The following GALNT2 variants were observed in gnomAD, a reference collection of about 807,000 sequenced individuals.
GALNT2 encodes the protein UDP-GalNAc:polypeptide N-acetylgalactosaminyltransferase 2.
In GALNT2, 31 loss-of-function variants were observed where a neutral mutation model predicts 81.4. The observed-to-expected ratio is 0.38, with a 90% CI of 0.29 to 0.51. The LOEUF is 0.51. GALNT2 is among the 20% of genes least tolerant of loss of function. The pLI, the probability that GALNT2 is intolerant of heterozygous loss-of-function variation, is 0.87. For missense variants in GALNT2, 629 were observed against 765.7 expected (o/e 0.82, Z 2.11); for synonymous variants, 303 against 287.4 (o/e 1.05, Z -0.55).
intron 1 of GALNT2, among the ~76,000 whole-genome samples, chr1:230,122,047 T>C (rs1430767551): frequency 1.4e-5 from 2 of 147,508 alleles, no homozygotes; most frequent in East Asian, 4.2e-4. Flanking sequence ...GCCTCCCGAC[T>C]AGCTGGGACT....
upstream of GALNT2, among the ~76,000 whole-genome samples, chr1:230,063,903 T>A: frequency 6.6e-6 from 1 of 152,216 alleles, no homozygotes; most frequent in South Asian, 2.1e-4. Context: ...ACTTATAAAT[T>A]GTTATATCTG....
chr1:230,122,971 G>C (rs1661066377), intron 1 of GALNT2, among the ~76,000 whole-genome samples: 1 of 152,122 alleles, frequency 6.6e-6, no homozygotes, highest in African/African-American at 2.4e-5. Flanking sequence ...ACATTGAGTT[G>C]GGGATGTGCA....
At chr1:230,111,774 T>A (rs928967993) in intron 1 of GALNT2, among the ~76,000 whole-genome samples, 3 of 152,194 alleles carry the variant, frequency 2.0e-5, no homozygotes, top group Non-Finnish European at 4.4e-5. Flanking sequence ...TGGAAGACTG[T>A]GTCACTGATG....
At chr1:230,156,122 A>G (rs1019760899) in intron 1 of GALNT2, among the ~76,000 whole-genome samples, 1 of 151,976 alleles carries the variant, frequency 6.6e-6, no homozygotes, top group Non-Finnish European at 1.5e-5. Context: ...CAAGTGGAAT[A>G]CCACGTAGAC....
intron 1 of GALNT2, among the ~76,000 whole-genome samples, chr1:230,132,975 G>A (rs1028436879): frequency 3.3e-5 from 5 of 152,172 alleles, no homozygotes; most frequent in East Asian, 1.9e-4. Flanking sequence ...AATTCATGCC[G>A]CGTAAGCATC....
In GALNT2 at chr1:230,127,283, C is replaced by T. The variant is rs375787996; in HGVS notation, c.127-50935C>T. On this transcript the variant is annotated intron_variant, in intron 1 of 15. Transcript: ENST00000366672. ...AAGACTCTCTTAATGCTGTGAGCCC[C>T]GCCTGAGCTGGTGCTGTGTGATAAA... 2.0e-4 allele frequency among the ~76,000 whole-genome samples: 31 copies of T among 152,026 alleles called. No individual in the cohort carries two copies. In the South Asian group the frequency reaches 6.3e-3, roughly 31 times the overall value.
intron 3 of GALNT2, among the ~76,000 whole-genome samples, chr1:230,227,577 A>ATATATC (rs1558149660): frequency 1.7e-4 from 25 of 150,992 alleles, no homozygotes; most frequent in African/African-American, 6.1e-4. Context: ...ATATATATAT[A>ATATATC]CAAGAAGAGT....
At chr1:230,244,017 A>G (rs1665288946) in intron 7 of GALNT2, among the ~76,000 whole-genome samples, 1 of 151,446 alleles carries the variant, frequency 6.6e-6, no homozygotes, top group Non-Finnish European at 1.5e-5. Flanking sequence ...CTAATATTAC[A>G]TTTGGCCTTT....
rs914942612 is a variant in GALNT2 at position 230,275,716 on chromosome 1, A to G, written c.1560+1152A>G. Among the ~76,000 whole-genome samples the G allele has an allele frequency of 2.7e-5, 4 of 148,106 alleles. No individual in the cohort carries two copies. The highest frequency in any genetic ancestry group is 2.5e-5 in the African/African-American group (1 of 39,622). ...CACCACATATATATACACACCACAT[A>G]TACACACCACATATATATATACAAA... On this transcript the variant is annotated intron_variant, in intron 15 of 15. Transcript: ENST00000366672. This position sits in a 1 kb window ranked among gnomAD's most constrained non-coding sequence, Gnocchi z 5.5.
intron 1 of GALNT2, among the ~76,000 whole-genome samples, chr1:230,100,630 T>C (rs1660375983): frequency 1.3e-5 from 2 of 152,232 alleles, no homozygotes; most frequent in Non-Finnish European, 2.9e-5. Flanking sequence ...CCGGCGTTTT[T>C]ATTCTTAAAA....
chr1:230,241,148 T>C (rs1665187678), intron 6 of GALNT2, among the ~76,000 whole-genome samples: 1 of 152,230 alleles, frequency 6.6e-6, no homozygotes, highest in Admixed American at 6.5e-5. Context: ...TTATAATAGC[T>C]GCTTTTAAAT....
At chr1:230,132,171 G>A (rs974521878) in intron 1 of GALNT2, among the ~76,000 whole-genome samples, 7 of 152,076 alleles carry the variant, frequency 4.6e-5, no homozygotes, top group African/African-American at 1.7e-4. Context: ...AATCAGTCTC[G>A]TAATGACGGT....
At chr1:230,190,320 T>C (rs1408349625) in intron 2 of GALNT2, among the ~76,000 whole-genome samples, 2 of 152,218 alleles carry the variant, frequency 1.3e-5, no homozygotes, top group African/African-American at 2.4e-5. Context: ...GCTGCCCCCA[T>C]AGCTGAGACG....
At chr1:230,179,312 A>G (rs1663086123) in intron 2 of GALNT2, among the ~76,000 whole-genome samples, 1 of 152,140 alleles carries the variant, frequency 6.6e-6, no homozygotes, top group Admixed American at 6.5e-5. Context: ...ATTTGGGTAA[A>G]TACCAAAGGG....
intron 11 of GALNT2, among the ~76,000 whole-genome samples, chr1:230,256,427 C>T (rs1325111445): frequency 7.1e-6 from 1 of 141,482 alleles, no homozygotes; most frequent in African/African-American, 2.6e-5. Context: ...ACCTGGGCAA[C>T]AGAGCGAGAC....
At chr1:230,134,204 G>T (rs767888266) in intron 1 of GALNT2, among the ~76,000 whole-genome samples, 2 of 151,576 alleles carry the variant, frequency 1.3e-5, no homozygotes, top group African/African-American at 2.4e-5. Context: ...TGCCTCCCGG[G>T]TTCACGCCAT....
At chr1:230,174,446 AG>A (rs1269240352) in intron 1 of GALNT2, among the ~76,000 whole-genome samples, 2 of 151,842 alleles carry the variant, frequency 1.3e-5, no homozygotes, top group African/African-American at 4.8e-5. Context: ...GGTATCTCAC[AG>A]TAGCTTCATC....
chr1:230,175,665 G>A (rs1300012299), intron 1 of GALNT2, among the ~76,000 whole-genome samples: 1 of 100,962 alleles, frequency 9.9e-6, no homozygotes. Flanking sequence ...CCTCCTCACT[G>A]TCCTCCCCCT....
At chr1:230,228,369 C>A (rs887068670) in intron 3 of GALNT2, among the ~76,000 whole-genome samples, 3 of 151,732 alleles carry the variant, frequency 2.0e-5, no homozygotes, top group African/African-American at 7.3e-5. Context: ...TAGTAGGGGC[C>A]ATGAAGAGTT....
Sources: gnomAD v4.1 joint callset for allele counts (sites outside exome capture counted in the v4.1 genomes callset) on GRCh38, gnomAD v4.1.1 for gene constraint, Gnocchi (gnomAD v3.1) non-coding constraint, MANE v1.5 for transcripts, NCBI Gene and HGNC (gene_info 2026-07-23, HGNC 2026-07-21) for gene names.